Variants in UPP2 observed in about 807,000 individuals in gnomAD.
UPP2 encodes uridine phosphorylase 2.
A neutral mutation model predicts 26.7 loss-of-function variants in UPP2; 23 were observed. That is an observed-to-expected ratio of 0.86 (90% CI 0.62 to 1.22). The LOEUF (loss-of-function observed/expected upper bound fraction) is 1.22. UPP2 is among the 50% of genes most tolerant of loss of function. The pLI, the probability that UPP2 is intolerant of heterozygous loss-of-function variation, is 0.00. For synonymous variants in UPP2, 127 were observed against 141.3 expected (o/e 0.90, Z 0.72); for missense variants, 387 against 396.7 (o/e 0.98, Z 0.21).
At chr2:158,059,837 A>T (rs1429187907) in intron 3 of UPP2, among the ~76,000 whole-genome samples, 2 of 152,018 alleles carry the variant, frequency 1.3e-5, no homozygotes, top group East Asian at 3.9e-4. Context: ...TCAATGTTCT[A>T]TCTGGACCTT....
At chr2:158,129,401 A>G (rs1683762603) in intron 6 of UPP2, among the ~76,000 whole-genome samples, 1 of 152,122 alleles carries the variant, frequency 6.6e-6, no homozygotes, top group Non-Finnish European at 1.5e-5. Context: ...AACGAACCAA[A>G]TCATGTGAGG....
upstream of UPP2, among the ~76,000 whole-genome samples, chr2:158,098,145 A>G (rs994049301): frequency 3.3e-5 from 5 of 152,180 alleles, no homozygotes; most frequent in Non-Finnish European, 7.4e-5. Flanking sequence ...GGAAATTCAC[A>G]TAAGACAGAG....
rs1683089338 is a variant in UPP2, at chr2:158,102,125, GGTGA to G, written c.62+3_62+6del. 1 of 1,610,390 alleles carries G rather than the reference GGTGA, an allele frequency of 6.2e-7. No individual in the cohort carries two copies. Among genetic ancestry groups the G allele is most frequent in the East Asian group, 2.2e-5 (1 of 44,732 alleles). ...AGATCTGACAGGAATACATATGTTG[GGTGA>G]GTAATTTTGATTTTGTAAATTTGTT... is the stretch of plus-strand genomic sequence containing the variant. On this transcript the variant is annotated splice_donor_variant and splice_donor_region_variant and intron_variant, in intron 1 of 6. Transcript: ENST00000005756. LOFTEE classifies it high-confidence loss of function.
intron 3 of UPP2, among the ~76,000 whole-genome samples, chr2:158,063,543 C>G (rs1574270165): frequency 6.6e-6 from 1 of 152,094 alleles, no homozygotes; most frequent in Non-Finnish European, 1.5e-5. Context: ...TCCTGCCCTG[C>G]AGCCTCTGCC....
intron 3 of UPP2, among the ~76,000 whole-genome samples, chr2:158,054,284 A>T (rs553356661): frequency 6.6e-6 from 1 of 152,230 alleles, no homozygotes; most frequent in South Asian, 2.1e-4. Flanking sequence ...ATGAATAAAT[A>T]AAAAGAAAGA....
chr2:158,062,860 A>G (rs1682374090), intron 3 of UPP2, among the ~76,000 whole-genome samples: 1 of 152,230 alleles, frequency 6.6e-6, no homozygotes, highest in African/African-American at 2.4e-5. Context: ...TAGGACTGCT[A>G]TATTACCTCA....
chr2:158,023,230 T>TGGTG (rs1553463651), intron 3 of UPP2, among the ~76,000 whole-genome samples: 2 of 83,754 alleles, frequency 2.4e-5, no homozygotes, highest in Admixed American at 3.3e-4. Context: ...TGCTGTCAGT[T>TGGTG]GGGGGGGGGC....
chr2:158,057,580 C>CA (rs35076177), intron 3 of UPP2, among the ~76,000 whole-genome samples: 109,186 of 151,922 alleles, frequency 0.72, 40,080 homozygotes, highest in African/African-American at 0.83. Context: ...CAAGTTTTCC[C>CA]TTATTAATAT....
upstream of UPP2, among the ~76,000 whole-genome samples, chr2:158,100,375 G>A (rs1683054993): frequency 1.3e-5 from 2 of 152,188 alleles, no homozygotes; most frequent in South Asian, 4.1e-4. Flanking sequence ...ATTCACTGTG[G>A]TAATTAATTA....
At chr2:158,073,391 G>A (rs2105188942) in intron 3 of UPP2, among the ~76,000 whole-genome samples, 1 of 152,130 alleles carries the variant, frequency 6.6e-6, no homozygotes, top group African/African-American at 2.4e-5. Context: ...TTAAAGAGAA[G>A]GCAGAGAAAA....
intron 3 of UPP2, among the ~76,000 whole-genome samples, chr2:158,075,928 C>A (rs539580563): frequency 1.3e-5 from 2 of 150,954 alleles, no homozygotes; most frequent in South Asian, 2.1e-4. Context: ...AATTGAGAAA[C>A]CTTTAGCAAG....
rs550579555 is a variant in UPP2 at position 158,093,407 on chromosome 2, T to C, written c.148-8633T>C. Among the ~76,000 whole-genome samples the C allele has an allele frequency of 7.1e-4, 108 of 152,176 alleles. 1 individual carries two copies. Among genetic ancestry groups the C allele is most frequent in the African/African-American group, 2.4e-3 (100 of 41,498 alleles). On this transcript the variant is annotated intron_variant, in intron 3 of 9. Transcript: ENST00000605860. Reference sequence around the variant, plus strand: ...TAAAAGACAACTTTTTGAAAATCCATTGATGTATTGTTTACCTGATACACT... The same window carrying C: ...TAAAAGACAACTTTTTGAAAATCCACTGATGTATTGTTTACCTGATACACT...
chr2:158,007,599 C>T (rs1478182485), intron 2 of UPP2, among the ~76,000 whole-genome samples: 22 of 151,368 alleles, frequency 1.5e-4, no homozygotes, highest in Non-Finnish European at 2.9e-4. Flanking sequence ...CTAAGAGGAG[C>T]GTGGGTTTTT....
chr2:158,130,266 C>T (rs1194218872), intron 6 of UPP2, among the ~76,000 whole-genome samples: 1 of 151,978 alleles, frequency 6.6e-6, no homozygotes, highest in East Asian at 1.9e-4. Flanking sequence ...CATGGTGAAA[C>T]CTCGTCTCTA....
chr2:158,067,548 G>A (rs903450683), intron 3 of UPP2, among the ~76,000 whole-genome samples: 22 of 152,164 alleles, frequency 1.4e-4, no homozygotes, highest in Admixed American at 3.9e-4. Flanking sequence ...CGTGCATCAG[G>A]GATTGGAAAA....
In UPP2 at chr2:158,134,997, G is replaced by GAGATGGAAAGA; in HGVS notation, c.*107_*108insAGATGGAAAGA. Reference sequence around the variant, plus strand: ...ATTTTTATATAGTTCTCATCCACATGCTAAATGGAAAGACTTTATGAAATC... The same window carrying GAGATGGAAAGA: ...ATTTTTATATAGTTCTCATCCACATGAGATGGAAAGACTAAATGGAAAGACTTTATGAAATC... On this transcript the variant is annotated 3_prime_UTR_variant, in exon 7 of 7. Coordinates refer to ENST00000005756, the MANE Select transcript of UPP2 (RefSeq NM_173355.4). 2.3e-6 allele frequency: 3 copies of GAGATGGAAAGA among 1,286,742 alleles called. No individual in the cohort carries two copies. The highest frequency in any genetic ancestry group is 3.1e-6 in the Non-Finnish European group (3 of 976,916). The allele number at this position is 1,286,742 out of a possible 1,614,324, so 79.7% of individuals were successfully genotyped here. A position where few individuals can be genotyped will look rare whatever the true frequency, so the allele number is the denominator to read the frequency against.
intron 3 of UPP2, among the ~76,000 whole-genome samples, chr2:158,076,840 A>G (rs1298026883): frequency 6.6e-6 from 1 of 152,126 alleles, no homozygotes; most frequent in Non-Finnish European, 1.5e-5. Flanking sequence ...GAAGAGAAAG[A>G]TATAAAGGGC....
intron 3 of UPP2, among the ~76,000 whole-genome samples, chr2:158,092,059 G>A (rs1374302896): frequency 6.6e-6 from 1 of 152,132 alleles, no homozygotes; most frequent in Non-Finnish European, 1.5e-5. Flanking sequence ...AGAAAGATCT[G>A]AGAAAATTTC....
At position 158,121,537 on chromosome 2, in the gene UPP2, G is replaced by A; in HGVS notation, c.583G>A (p.Glu195Lys). The change falls in exon 5 of 7, where the codon GAA becomes AAA. Residue 195 changes from glutamate (E) to lysine (K), a missense_variant. By Grantham distance (56) the Glu-to-Lys change is moderately conservative. Coordinates refer to ENST00000005756, the MANE Select transcript of UPP2 (RefSeq NM_173355.4). ...TGAACTGGACAAAGAACTGTCTGAA[G>A]AACTGTTCAACTGTAGCAAAGAAAT... ...STELDKELSE[E>K]LFNCSKEIPN... 1 of 1,613,498 alleles carries A rather than the reference G, an allele frequency of 6.2e-7. No homozygotes were observed. Among genetic ancestry groups the A allele is most frequent in the South Asian group, 1.1e-5 (1 of 91,066 alleles).
Sources: gnomAD v4.1 joint callset for allele counts (sites outside exome capture counted in the v4.1 genomes callset) on GRCh38, gnomAD v4.1.1 for gene constraint, MANE v1.5 for transcripts, NCBI Gene and HGNC (gene_info 2026-07-23, HGNC 2026-07-21) for gene names.